The following GOSR2 variants were observed in gnomAD, a reference collection of about 807,000 sequenced individuals.
GOSR2 encodes 27 kDa Golgi SNARE protein.
Under a neutral mutation model 27.9 loss-of-function variants are expected in GOSR2, and 20 were observed. The observed-to-expected ratio is 0.72, with a 90% CI of 0.50 to 1.04. The LOEUF (loss-of-function observed/expected upper bound fraction) is 1.04. Ranked by LOEUF, GOSR2 falls within the 50% of genes least tolerant of loss-of-function variation. The pLI, the probability that GOSR2 is intolerant of heterozygous loss-of-function variation, is 0.00. For missense variants in GOSR2, 261 were observed against 270.5 expected, an observed-to-expected ratio of 0.97 and a Z score of 0.25; for synonymous variants, 91 against 98.8, an observed-to-expected ratio of 0.92 and a Z score of 0.47.
At chr17:46,958,466 C>T (rs116966186) in intron 6 of GOSR2, among the ~76,000 whole-genome samples, 721 of 152,278 alleles carry the variant, frequency 4.7e-3, no homozygotes, top group Non-Finnish European at 7.0e-3. Flanking sequence ...GAAGTGCTGA[C>T]GGCAGGAAGC....
intron 4 of GOSR2, chr17:46,933,014 A>T (rs148001303): frequency 1.3e-5 from 2 of 152,318 alleles, no homozygotes; most frequent in African/African-American, 2.4e-5. Context: ...AAATTTTCCC[A>T]AGTGTTTCAG....
chr17:46,955,279 G>A (rs2090633320), intron 6 of GOSR2, among the ~76,000 whole-genome samples: 1 of 151,896 alleles, frequency 6.6e-6, no homozygotes, highest in Non-Finnish European at 1.5e-5. Flanking sequence ...ATAATCATGT[G>A]GTTTTTGTCT....
At chr17:46,944,361 C>T (rs1277639432), downstream of GOSR2, among the ~76,000 whole-genome samples, 1 of 152,224 alleles carries the variant, frequency 6.6e-6, no homozygotes, top group Non-Finnish European at 1.5e-5. Context: ...ACGGGCCACA[C>T]ACCTCTCAGC....
At chr17:46,957,301 C>A (rs1196999178) in intron 6 of GOSR2, among the ~76,000 whole-genome samples, 1 of 151,652 alleles carries the variant, frequency 6.6e-6, no homozygotes, top group Non-Finnish European at 1.5e-5. Context: ...TGAGACCCTG[C>A]CTCAAAAAGA....
chr17:46,939,715 G>A lies in GOSR2; in HGVS notation c.*955G>A, dbSNP rs527999974. ...CCAGCCAGTGTGGGCAGATCCCACC[G>A]TGGAGACATCTGTAGTGTGTATGTC... On this transcript the variant is annotated 3_prime_UTR_variant, in exon 6 of 6. Transcript: ENST00000640051. 1.4e-3 allele frequency: 1,352 copies of A among 985,608 alleles called. 5 individuals carry two copies. Among genetic ancestry groups the A allele is most frequent in the Non-Finnish European group, 1.5e-3 (1,268 of 830,052 alleles). The allele number at this position is 985,608 out of a possible 1,614,324, so 61.1% of individuals were successfully genotyped here.
intron 6 of GOSR2, among the ~76,000 whole-genome samples, chr17:46,965,569 C>T (rs1021304718): frequency 2.6e-5 from 4 of 152,176 alleles, no homozygotes; most frequent in African/African-American, 4.8e-5. Flanking sequence ...AGGAAATCCT[C>T]GTGGTTTCTG....
chr17:46,928,627 G>T (rs2086843533), intron 1 of GOSR2, among the ~76,000 whole-genome samples: 1 of 152,170 alleles, frequency 6.6e-6, no homozygotes, highest in Non-Finnish European at 1.5e-5. Flanking sequence ...TGAGATGGCA[G>T]TTCCTTCGTT....
Position 46,941,141 on chromosome 17 carries a change from CT to C in GOSR2, c.*2384del, listed in dbSNP as rs1252679973. 9.8e-7 allele frequency: 1 copy of C among 1,015,526 alleles called. No homozygotes were observed. The highest frequency in any genetic ancestry group is 1.2e-6 in the Non-Finnish European group (1 of 846,424). The allele number at this position is 1,015,526 out of a possible 1,614,324, so 62.9% of individuals were successfully genotyped here. ...GGTTATCAAGAGGAACTTGAGATCT[CT>C]TTATTACATGGACATTTACTTCAGG... On this transcript the variant is annotated 3_prime_UTR_variant, in exon 6 of 6. Coordinates refer to ENST00000640051, the MANE Select transcript of GOSR2 (RefSeq NM_004287.5).
rs573306680 is a variant in GOSR2 at position 46,923,229 on chromosome 17, C to T, written c.29+8C>T. On this transcript the variant is annotated splice_region_variant and intron_variant, in intron 1 of 5. Transcript: ENST00000640051. Reference sequence around the variant, plus strand: ...GTTCCAGCAAACGCACAAGTGAGGGCCGGTCGGGGAGCGGGCAGGGGCTAG... The same window carrying T: ...GTTCCAGCAAACGCACAAGTGAGGGTCGGTCGGGGAGCGGGCAGGGGCTAG... The T allele has an allele frequency of 2.1e-4, 333 of 1,550,752 alleles. 1 individual carries two copies. The highest frequency in any genetic ancestry group is 2.5e-4 in the Non-Finnish European group (284 of 1,146,272).
Position 46,940,233 on chromosome 17 carries a change from G to T in GOSR2, c.*1473G>T. 4.2e-6 allele frequency: 6 copies of T among 1,421,140 alleles called. No individual in the cohort carries two copies. In the South Asian group the frequency reaches 9.4e-5, roughly 22 times the overall value. The allele number at this position is 1,421,140 out of a possible 1,614,324, so 88.0% of individuals were successfully genotyped here. On this transcript the variant is annotated 3_prime_UTR_variant, in exon 6 of 6. Transcript: ENST00000640051. The stretch of plus-strand genomic sequence containing the variant: ...TTGTCATAGATTAACTGAGTTTCCT[G>T]GATGCTAATTTCACACTTTCGGTTG...
At chr17:46,963,023 TAAAG>T (rs140551376) in intron 6 of GOSR2, among the ~76,000 whole-genome samples, 13,415 of 152,258 alleles carry the variant, frequency 0.088, 810 homozygotes, top group Non-Finnish European at 0.13. Flanking sequence ...ACATGGCTAA[TAAAG>T]AATAGAAGCA....
At chr17:46,960,487 C>A (rs2090991363) in intron 6 of GOSR2, among the ~76,000 whole-genome samples, 1 of 152,208 alleles carries the variant, frequency 6.6e-6, no homozygotes. Context: ...TATGACCCAG[C>A]AATCTCATTT....
intron 6 of GOSR2, among the ~76,000 whole-genome samples, chr17:46,947,733 G>T (rs1341590315): frequency 6.6e-6 from 1 of 152,146 alleles, no homozygotes. Context: ...GGTAGCAAAA[G>T]TGCCTGTATT....
chr17:46,941,010 A>G lies in GOSR2; in HGVS notation c.*2250A>G, dbSNP rs2089198531. On this transcript the variant is annotated 3_prime_UTR_variant, in exon 6 of 6. Coordinates refer to ENST00000640051, the MANE Select transcript of GOSR2 (RefSeq NM_004287.5). ...CCAGGGAAGGAGCACCCTCTAGTGG[A>G]GGCGGGGGTGAATTCTTAGGTCGAG... 8.9e-7 allele frequency: 1 copy of G among 1,121,942 alleles called. No individual in the cohort carries two copies. 69.5% of individuals were successfully genotyped at this position (1,121,942 alleles called of 1,614,324 possible).
At chr17:46,942,862 G>T (rs2089455603), downstream of GOSR2, among the ~76,000 whole-genome samples, 1 of 152,152 alleles carries the variant, frequency 6.6e-6, no homozygotes, top group Non-Finnish European at 1.5e-5. Flanking sequence ...GAGTGTTCAG[G>T]GGTGCTGGGC....
At chr17:46,951,460 G>A (rs1010897242) in intron 6 of GOSR2, among the ~76,000 whole-genome samples, 1 of 152,238 alleles carries the variant, frequency 6.6e-6, no homozygotes, top group East Asian at 1.9e-4. Context: ...CCAGATCACA[G>A]GTTTAGCAGT....
At chr17:46,926,942 G>T (rs2086590771) in intron 1 of GOSR2, among the ~76,000 whole-genome samples, 1 of 152,194 alleles carries the variant, frequency 6.6e-6, no homozygotes, top group Non-Finnish European at 1.5e-5. Context: ...CTGGGTCATA[G>T]CATGGACACA....
In GOSR2 at chr17:46,938,810, TGTGTGTGTGAAAGAGAGAGGG is replaced by T. The variant is rs1474626687; in HGVS notation, c.*52_*72del. Reference sequence around the variant, plus strand: ...AGCATTCCCACAGCCTGCAAGTGTGTGTGTGTGTGAAAGAGAGAGGGGGGCCCAGAGGCCGCCTTTTGAAAT... The same window carrying T: ...AGCATTCCCACAGCCTGCAAGTGTGTGGGCCCAGAGGCCGCCTTTTGAAAT... On this transcript the variant is annotated 3_prime_UTR_variant, in exon 6 of 6. Transcript: ENST00000640051. 2.5e-6 allele frequency: 4 copies of T among 1,612,032 alleles called. No individual in the cohort carries two copies. The highest frequency in any genetic ancestry group is 3.4e-6 in the Non-Finnish European group (4 of 1,179,740).
At chr17:46,934,267 G>A (rs941481417) in intron 4 of GOSR2, among the ~76,000 whole-genome samples, 4 of 152,134 alleles carry the variant, frequency 2.6e-5, no homozygotes, top group African/African-American at 9.7e-5. Context: ...AAAATGGGGA[G>A]GCCTGTGGAC....
Sources: gnomAD v4.1 joint callset for allele counts (sites outside exome capture counted in the v4.1 genomes callset) on GRCh38, gnomAD v4.1.1 for gene constraint, MANE v1.5 for transcripts, NCBI Gene and HGNC (gene_info 2026-07-23, HGNC 2026-07-21) for gene names.